Variants in SNTG1 observed in about 807,000 individuals in gnomAD.
SNTG1 encodes the protein gamma-1-syntrophin.
SNTG1 carries 39 observed loss-of-function variants against 74.7 expected under a neutral mutation model. The observed-to-expected ratio is 0.52, with a 90% CI of 0.40 to 0.68. The LOEUF (loss-of-function observed/expected upper bound fraction) is 0.68. SNTG1 is among the 30% of genes least tolerant of loss of function. The pLI, the probability that SNTG1 is intolerant of heterozygous loss-of-function variation, is 0.00. For synonymous variants in SNTG1, 254 were observed against 217.1 expected, an observed-to-expected ratio of 1.17 and a Z score of -1.49; for missense variants, 685 against 609.5, an observed-to-expected ratio of 1.12 and a Z score of -1.30.
chr8:50,561,975 C>T (rs186367943), intron 12 of SNTG1, among the ~76,000 whole-genome samples: 13 of 152,274 alleles, frequency 8.5e-5, no homozygotes, highest in Non-Finnish European at 1.6e-4. Context: ...TGAAGATTCT[C>T]GCCATCCAAA....
At chr8:50,665,709 T>C (rs2095247662) in intron 15 of SNTG1, among the ~76,000 whole-genome samples, 1 of 152,088 alleles carries the variant, frequency 6.6e-6, no homozygotes, top group South Asian at 2.1e-4. Context: ...TTCAAGAGCA[T>C]CTATTGGGCA....
chr8:50,197,516 CCTTG>C lies in SNTG1; in HGVS notation c.-28+24882_-28+24885del, dbSNP rs386725177. Among the ~76,000 whole-genome samples the C allele has an allele frequency of 8.2e-3, 1,241 of 152,166 alleles. 22 individuals carry two copies. Among genetic ancestry groups the C allele is most frequent in the African/African-American group, 0.029 (1,191 of 41,500 alleles). ...ATTGACTTTGAGATTGCATCCAGGG[CCTTG>C]TCATCACAGGATAACACCAGAATGA... On this transcript the variant is annotated intron_variant, in intron 2 of 18. Transcript: ENST00000642720.
chr8:50,737,216 A>T (rs940364058), intron 17 of SNTG1, among the ~76,000 whole-genome samples: 2 of 152,156 alleles, frequency 1.3e-5, no homozygotes, highest in African/African-American at 4.8e-5. Context: ...ATAAAAAACA[A>T]TAAAGGGCAT....
intron 4 of SNTG1, among the ~76,000 whole-genome samples, chr8:50,404,535 A>G (rs1047475508): frequency 1.3e-5 from 2 of 152,044 alleles, no homozygotes; most frequent in African/African-American, 2.4e-5. Flanking sequence ...AATAATAAAT[A>G]CAATGTAATG....
chr8:50,439,738 C>T (rs1411601522), intron 5 of SNTG1, among the ~76,000 whole-genome samples: 6 of 136,074 alleles, frequency 4.4e-5, no homozygotes, highest in Non-Finnish European at 9.4e-5. Context: ...TTTTTTTGGC[C>T]AGGCTGTTTA....
intron 2 of SNTG1, chr8:50,381,893 C>T (rs1035787930): frequency 4.8e-5 from 7 of 145,988 alleles, no homozygotes; most frequent in African/African-American, 1.0e-4. Context: ...ACAATCATAA[C>T]GTCCCACAAT....
intron 8 of SNTG1, among the ~76,000 whole-genome samples, chr8:50,494,757 C>T (rs2093889067): frequency 1.3e-5 from 2 of 152,024 alleles, no homozygotes; most frequent in African/African-American, 4.8e-5. Flanking sequence ...TCTTTATACA[C>T]TTTTATTACA....
intron 17 of SNTG1, among the ~76,000 whole-genome samples, chr8:50,722,118 G>GTA (rs965382837): frequency 2.0e-4 from 30 of 151,480 alleles, no homozygotes; most frequent in African/African-American, 4.1e-4. Context: ...TTGTATGTAT[G>GTA]TATATATATA....
At chr8:50,227,081 T>A (rs928028262) in intron 2 of SNTG1, among the ~76,000 whole-genome samples, 4 of 152,176 alleles carry the variant, frequency 2.6e-5, no homozygotes, top group Admixed American at 2.0e-4. Context: ...ATCAATGATT[T>A]TTTTTGTACT....
At chr8:50,111,947 A>G (rs1464746484) in intron 1 of SNTG1, among the ~76,000 whole-genome samples, 2 of 152,176 alleles carry the variant, frequency 1.3e-5, no homozygotes. Flanking sequence ...GGCCAAAAAA[A>G]TAGCCACAAT....
At chr8:49,994,726 G>C (rs372468261) in intron 1 of SNTG1, among the ~76,000 whole-genome samples, 1 of 151,518 alleles carries the variant, frequency 6.6e-6, no homozygotes, top group African/African-American at 2.4e-5. Flanking sequence ...CTGAACCTAA[G>C]AAACATCCTC....
At chr8:50,389,544 A>T (rs1173985089) in intron 2 of SNTG1, among the ~76,000 whole-genome samples, 1 of 152,174 alleles carries the variant, frequency 6.6e-6, no homozygotes, top group Non-Finnish European at 1.5e-5. Context: ...CAATAAACAT[A>T]CGTGTGCATG....
intron 4 of SNTG1, among the ~76,000 whole-genome samples, chr8:50,434,988 A>G (rs1459503152): frequency 6.6e-6 from 1 of 152,092 alleles, no homozygotes; most frequent in Non-Finnish European, 1.5e-5. Context: ...ATGTGATGCC[A>G]ACTTTTTTTT....
chr8:50,559,191 A>G (rs901075585), intron 12 of SNTG1, among the ~76,000 whole-genome samples: 7 of 152,224 alleles, frequency 4.6e-5, no homozygotes, highest in Admixed American at 2.0e-4. Context: ...ATGAATCTAG[A>G]TGAACATTGT....
At chr8:50,108,862 G>A (rs1024891601) in intron 1 of SNTG1, among the ~76,000 whole-genome samples, 3 of 152,174 alleles carry the variant, frequency 2.0e-5, no homozygotes, top group Admixed American at 2.0e-4. Flanking sequence ...GGAGTCTGAA[G>A]GAAACTTTGA....
At chr8:50,685,625 A>T (rs949508441) in intron 15 of SNTG1, among the ~76,000 whole-genome samples, 1 of 152,244 alleles carries the variant, frequency 6.6e-6, no homozygotes, top group African/African-American at 2.4e-5. Flanking sequence ...TTCATAATAT[A>T]AATCATATTC....
At chr8:50,520,826 A>G (rs1318559186) in intron 9 of SNTG1, among the ~76,000 whole-genome samples, 1 of 152,186 alleles carries the variant, frequency 6.6e-6, no homozygotes, top group Non-Finnish European at 1.5e-5. Context: ...TGTTGGTGGG[A>G]GTGTAAATTA....
intron 1 of SNTG1, among the ~76,000 whole-genome samples, chr8:49,998,247 G>A (rs1020011728): frequency 1.3e-5 from 2 of 152,128 alleles, no homozygotes; most frequent in African/African-American, 4.8e-5. Context: ...AGGACTTGCC[G>A]TGGCTCTGGA....
intron 1 of SNTG1, among the ~76,000 whole-genome samples, chr8:49,942,852 G>A (rs1219367606): frequency 2.6e-5 from 4 of 152,106 alleles, no homozygotes; most frequent in East Asian, 1.9e-4. Context: ...ATGTTTGTCC[G>A]GTTTCTCCTC....
Sources: allele counts gnomAD v4.1 joint callset (sites outside exome capture counted in the v4.1 genomes callset), GRCh38; gene constraint gnomAD v4.1.1; transcripts MANE v1.5; gene names NCBI Gene and HGNC (gene_info 2026-07-23, HGNC 2026-07-21).